Variants in LDHB observed in about 807,000 individuals in gnomAD.
The protein encoded by LDHB is lactate dehydrogenase B, also known as L-lactate dehydrogenase B chain.
In LDHB, 18 loss-of-function variants were observed where a neutral mutation model predicts 33.4. The observed-to-expected ratio is 0.54, with a 90% confidence interval of 0.37 to 0.80. The LOEUF is 0.80. Ranked by LOEUF, LDHB falls within the 30% of genes least tolerant of loss-of-function variation. LDHB has a pLI of 0.00. For missense variants in LDHB, 345 were observed against 407.9 expected (o/e 0.85, Z 1.33); for synonymous variants, 121 against 140.6 (o/e 0.86, Z 0.98).
In LDHB at chr12:21,640,494, AAT is replaced by A. The variant is rs892943974; in HGVS notation, c.595+1456_595+1457del. Reference sequence around the variant, plus strand: ...ACTTAAATAATTGATAGTTATAATTAATAGTTTATTAAAAATAAGATTTCATT... The same window carrying A: ...ACTTAAATAATTGATAGTTATAATTAAGTTTATTAAAAATAAGATTTCATT... On this transcript the variant is annotated intron_variant, in intron 5 of 7. Transcript: ENST00000350669. Among the ~76,000 whole-genome samples, 54 of 151,912 alleles carry A rather than the reference AAT, an allele frequency of 3.6e-4. No individual in the cohort carries two copies. The Middle Eastern group carries it at 0.01, about 29-fold the overall frequency.
chr12:21,654,708 A>AT (rs1938790490), intron 1 of LDHB, 31 bp from the exon 2 acceptor site: 1 of 1,542,742 alleles, frequency 6.5e-7, no homozygotes, highest in African/African-American at 1.4e-5. Flanking sequence ...CATTACACGT[A>AT]TATCTGCATA....
At chr12:21,655,812 C>T (rs1266458905) in intron 1 of LDHB, among the ~76,000 whole-genome samples, 1 of 152,070 alleles carries the variant, frequency 6.6e-6, no homozygotes, top group Non-Finnish European at 1.5e-5. Context: ...CATCAGATAA[C>T]CAGATGTGTT....
At chr12:21,640,187 G>C (rs1231937182) in intron 5 of LDHB, among the ~76,000 whole-genome samples, 1 of 150,432 alleles carries the variant, frequency 6.6e-6, no homozygotes, top group Non-Finnish European at 1.5e-5. Context: ...TCAATATATT[G>C]TGGTTTAATA....
chr12:21,650,104 ATAC>A (rs1192231746), intron 2 of LDHB, among the ~76,000 whole-genome samples: 7 of 1,336 alleles, frequency 5.2e-3, no homozygotes, highest in African/African-American at 6.6e-3. Context: ...GAGAAAAAAA[ATAC>A]ACACACACAC....
chr12:21,647,076 A>C (rs1362716925), intron 2 of LDHB, 60 bp from the exon 3 acceptor site: 1 of 915,342 alleles, frequency 1.1e-6, no homozygotes, highest in Non-Finnish European at 1.8e-6. Context: ...TCAGCTCACA[A>C]TCTAACCCAA....
rs540888053 is a variant in LDHB at position 21,654,765 on chromosome 12, C to T, written c.-6-88G>A. 405 of 1,076,928 alleles carry T rather than the reference C, an allele frequency of 3.8e-4. 5 individuals are homozygous for T. In the African/African-American group the frequency reaches 5.5e-3, roughly 15 times the overall value. The allele number at this position is 1,076,928 out of a possible 1,614,324, so 66.7% of individuals were successfully genotyped here. ...CCTTAAAATGTTACTGTTGCAATTTCGAACTGAAGTACAACTTAAAATGAG... is the reference window on the plus strand; with the variant it reads ...CCTTAAAATGTTACTGTTGCAATTTTGAACTGAAGTACAACTTAAAATGAG... On this transcript the variant is annotated intron_variant, in intron 1 of 7. Transcript: ENST00000350669.
Position 21,648,169 on chromosome 12 carries a change from G to T in LDHB, c.130-1153C>A, listed in dbSNP as rs530284734. ...TCCCTCCTATTGAAACATCACCAGA[G>T]TCCTTGCTCTTACTGTTTTTATGGC... On this transcript the variant is annotated intron_variant, in intron 2 of 7. Coordinates refer to ENST00000350669, the MANE Select transcript of LDHB (RefSeq NM_002300.8). 1.8e-4 allele frequency among the ~76,000 whole-genome samples: 28 copies of T among 152,214 alleles called. No individual in the cohort carries two copies. The South Asian group carries it at 4.4e-3, about 24-fold the overall frequency.
rs184672651 is a variant in LDHB, at chr12:21,644,464, T to G, written c.248-356A>C. 2.6e-3 allele frequency among the ~76,000 whole-genome samples: 208 copies of G among 79,284 alleles called. 4 individuals are homozygous for G. Among genetic ancestry groups the G allele is most frequent in the African/African-American group, 8.0e-3 (194 of 24,378 alleles). The allele number at this position is 79,284 out of a possible 152,430, so 52.0% of individuals were successfully genotyped here. A position where few individuals can be genotyped will look rare whatever the true frequency, so the allele number is the denominator to read the frequency against. On this transcript the variant is annotated intron_variant, in intron 3 of 7. Coordinates refer to ENST00000350669, the MANE Select transcript of LDHB (RefSeq NM_002300.8). ...AAAAAAACAAAAACAAAAACCAATTTTAAGTTACTTTTATCTTAAAAAGTT... is the reference window on the plus strand; with the variant it reads ...AAAAAAACAAAAACAAAAACCAATTGTAAGTTACTTTTATCTTAAAAAGTT...
chr12:21,655,403 C>G (rs1938813252), intron 1 of LDHB, among the ~76,000 whole-genome samples: 1 of 152,124 alleles, frequency 6.6e-6, no homozygotes, highest in Non-Finnish European at 1.5e-5. Flanking sequence ...GAATAAATGG[C>G]CAATTATGAA....
Position 21,644,009 on chromosome 12 carries a change from T to G in LDHB, c.347A>C (p.Asn116Thr). 6.2e-7 allele frequency: 1 copy of G among 1,612,964 alleles called. No individual in the cohort carries two copies. The highest frequency in any genetic ancestry group is 8.5e-7 in the Non-Finnish European group (1 of 1,178,978). Residue 116 changes from asparagine to threonine, a missense_variant, in exon 4 of 8, where the codon AAT becomes ACT. Asn to Thr is a moderately conservative substitution (Grantham distance 65). Transcript: ENST00000350669. Reference protein sequence around the residue: ...SRLNLVQRNVNVFKFIIPQIV... With the variant: ...SRLNLVQRNVTVFKFIIPQIV... ...CTGAGGAATAATGAATTTGAAGACA[T>G]TAACATTTCTCTGCACCAGATTGAG...
chr12:21,639,556 G>A (rs540946683), intron 5 of LDHB, among the ~76,000 whole-genome samples: 9 of 151,960 alleles, frequency 5.9e-5, no homozygotes, highest in Non-Finnish European at 1.3e-4. Flanking sequence ...ACCTAGCAAT[G>A]TATAACTACA....
At chr12:21,652,722 A>G (rs753983454) in intron 2 of LDHB, among the ~76,000 whole-genome samples, 2 of 151,614 alleles carry the variant, frequency 1.3e-5, no homozygotes, top group Non-Finnish European at 2.9e-5. Flanking sequence ...ATCCTAAATG[A>G]CAGTGACCTA....
At chr12:21,653,775 TA>T (rs1317536631) in intron 2 of LDHB, among the ~76,000 whole-genome samples, 2 of 152,212 alleles carry the variant, frequency 1.3e-5, no homozygotes, top group African/African-American at 4.8e-5. Context: ...AAATTTTCTG[TA>T]AATCTGAAAT....
At chr12:21,643,149 A>C (rs1021383804) in intron 4 of LDHB, among the ~76,000 whole-genome samples, 1 of 152,236 alleles carries the variant, frequency 6.6e-6, no homozygotes, top group African/African-American at 2.4e-5. Flanking sequence ...GCTGGCTCTC[A>C]ACTCTCAATA....
At chr12:21,654,840 C>T (rs138819814) in intron 1 of LDHB, among the ~76,000 whole-genome samples, 163 bp from the exon 2 acceptor site, 25 of 152,206 alleles carry the variant, frequency 1.6e-4, no homozygotes, top group African/African-American at 5.8e-4. Context: ...CCATGAGACC[C>T]GGCTGGGCAT....
intron 3 of LDHB, among the ~76,000 whole-genome samples, chr12:21,645,251 A>G (rs1938488913): frequency 7.5e-6 from 1 of 134,000 alleles, no homozygotes; most frequent in Admixed American, 7.6e-5. Context: ...GGCCGCAGGG[A>G]CCTCTGCCTA....
At chr12:21,642,490 T>A (rs1240658075) in intron 4 of LDHB, among the ~76,000 whole-genome samples, 2 of 152,086 alleles carry the variant, frequency 1.3e-5, no homozygotes, top group East Asian at 3.8e-4. Flanking sequence ...AGTTGTAACA[T>A]TCCATAATTA....
At chr12:21,643,743 AC>A in intron 4 of LDHB, 191 bp downstream of exon 4, 1 of 571,856 alleles carries the variant, frequency 1.7e-6, no homozygotes, top group Non-Finnish European at 3.1e-6. Context: ...AACTCTTGTC[AC>A]ATTTTTTGAA....
chr12:21,641,261 G>T (rs1034158467), intron 5 of LDHB, among the ~76,000 whole-genome samples: 2 of 152,268 alleles, frequency 1.3e-5, no homozygotes, highest in East Asian at 1.9e-4. Context: ...GTCACCAATT[G>T]TTGGCCACAC....
Sources: gnomAD v4.1 joint callset for allele counts (sites outside exome capture counted in the v4.1 genomes callset) on GRCh38, gnomAD v4.1.1 for gene constraint, MANE v1.5 for transcripts, NCBI Gene and HGNC (gene_info 2026-07-23, HGNC 2026-07-21) for gene names.